MDFIC2: variants seen among roughly 807,000 people sequenced by gnomAD.
MDFIC2 encodes MyoD family inhibitor domain containing 2, also known as myoD family inhibitor domain-containing protein 2.
At chr3:70,211,534 GCCCTTCCCTTCCCTTCCCTT>G in intron 2 of MDFIC2, among the ~76,000 whole-genome samples, 1 of 17,524 alleles carries the variant, frequency 5.7e-5, no homozygotes, top group Non-Finnish European at 1.1e-4. Context: ...CCTTCCCTTT[GCCCTTCCCTTCCCTTCCCTT>G]CCCTTTGCCC....
At chr3:70,208,027 G>C (rs1006222171) in intron 2 of MDFIC2, among the ~76,000 whole-genome samples, 1 of 152,050 alleles carries the variant, frequency 6.6e-6, no homozygotes, top group Non-Finnish European at 1.5e-5. Context: ...ATAACTGAAA[G>C]TTACAGGATT....
At chr3:70,299,438 A>G (rs759075576) in intron 2 of MDFIC2, among the ~76,000 whole-genome samples, 1 of 152,170 alleles carries the variant, frequency 6.6e-6, no homozygotes, top group South Asian at 2.1e-4. Flanking sequence ...TAAAAAATAG[A>G]TAACTTACGT....
chr3:70,210,565 A>C (rs1018355822), intron 2 of MDFIC2, among the ~76,000 whole-genome samples: 2 of 152,120 alleles, frequency 1.3e-5, no homozygotes, highest in South Asian at 2.1e-4. Context: ...ATTGCACCCA[A>C]AGTACTGTAA....
chr3:70,255,258 C>T (rs1015927076), intron 2 of MDFIC2, among the ~76,000 whole-genome samples: 1 of 152,092 alleles, frequency 6.6e-6, no homozygotes, highest in Admixed American at 6.6e-5. Flanking sequence ...ACCAATGACA[C>T]ATAAATTTTT....
intron 2 of MDFIC2, among the ~76,000 whole-genome samples, chr3:70,209,053 TATA>T (rs1401781030): frequency 6.6e-6 from 1 of 152,096 alleles, no homozygotes; most frequent in Non-Finnish European, 1.5e-5. Context: ...AAATTAATGA[TATA>T]ATGATGATGA....
chr3:70,308,893 T>G (rs947826728), intron 2 of MDFIC2, among the ~76,000 whole-genome samples: 2 of 152,098 alleles, frequency 1.3e-5, no homozygotes, highest in Non-Finnish European at 2.9e-5. Flanking sequence ...TCCAGTGAAG[T>G]GCTTGTTCCA....
chr3:70,246,110 C>G (rs1023579583), intron 2 of MDFIC2, among the ~76,000 whole-genome samples: 8 of 151,782 alleles, frequency 5.3e-5, no homozygotes, highest in Non-Finnish European at 1.2e-4. Context: ...AAAAAAAACC[C>G]CACAGATATA....
intron 2 of MDFIC2, among the ~76,000 whole-genome samples, chr3:70,308,771 G>A (rs570006538): frequency 1.3e-5 from 2 of 152,184 alleles, no homozygotes; most frequent in South Asian, 4.1e-4. Context: ...GTTTGAAGTC[G>A]AGAAGTTAGA....
At chr3:70,302,844 C>T (rs76994760) in intron 2 of MDFIC2, among the ~76,000 whole-genome samples, 3,459 of 152,110 alleles carry the variant, frequency 0.023, 84 homozygotes, top group South Asian at 0.079. Flanking sequence ...CCTTTCATTC[C>T]GTTGGGATCA....
intron 2 of MDFIC2, among the ~76,000 whole-genome samples, chr3:70,251,284 C>G (rs764380954): frequency 1.1e-4 from 17 of 152,186 alleles, no homozygotes; most frequent in Non-Finnish European, 2.1e-4. Context: ...GTTCTTAGAA[C>G]TCAATGTCCA....
intron 2 of MDFIC2, among the ~76,000 whole-genome samples, chr3:70,281,911 A>G (rs557000788): frequency 2.1e-4 from 32 of 152,196 alleles, no homozygotes; most frequent in Non-Finnish European, 4.1e-4. Flanking sequence ...AGTTTTAAAA[A>G]GCATCTTGGG....
At chr3:70,206,233 G>A (rs889550628) in intron 3 of MDFIC2, among the ~76,000 whole-genome samples, 1 of 151,954 alleles carries the variant, frequency 6.6e-6, no homozygotes, top group African/African-American at 2.4e-5. Context: ...TCTGACTAGA[G>A]TTATAGACTG....
intron 2 of MDFIC2, among the ~76,000 whole-genome samples, chr3:70,269,248 G>T (rs1434150653): frequency 6.6e-6 from 1 of 152,104 alleles, no homozygotes; most frequent in Non-Finnish European, 1.5e-5. Context: ...GGTCATAAAA[G>T]AACCAATAAA....
At chr3:70,257,914 T>C in intron 2 of MDFIC2, among the ~76,000 whole-genome samples, 1 of 152,202 alleles carries the variant, frequency 6.6e-6, no homozygotes, top group Non-Finnish European at 1.5e-5. Flanking sequence ...AGCATGGTAT[T>C]GGTGTAAGGA....
At chr3:70,271,330 A>G (rs1251041216) in intron 2 of MDFIC2, among the ~76,000 whole-genome samples, 1 of 152,132 alleles carries the variant, frequency 6.6e-6, no homozygotes, top group African/African-American at 2.4e-5. Context: ...ATTATGCACA[A>G]ATAAACTGTG....
chr3:70,219,349 G>A (rs1469675939), intron 2 of MDFIC2, among the ~76,000 whole-genome samples: 4 of 152,216 alleles, frequency 2.6e-5, no homozygotes, highest in Middle Eastern at 3.4e-3. Context: ...GCATGCTCCC[G>A]ATTCACAAAC....
chr3:70,239,044 C>T (rs532047921), intron 2 of MDFIC2, among the ~76,000 whole-genome samples: 1 of 152,076 alleles, frequency 6.6e-6, no homozygotes, highest in East Asian at 1.9e-4. Context: ...ACAAAAATGG[C>T]TTAAAATTGG....
intron 2 of MDFIC2, among the ~76,000 whole-genome samples, chr3:70,310,231 C>A (rs1702442230): frequency 6.6e-6 from 1 of 152,056 alleles, no homozygotes; most frequent in Non-Finnish European, 1.5e-5. Context: ...TTGTCTGCAT[C>A]AACTTTAGTC....
chr3:70,206,160 T>C (rs1390495685), intron 3 of MDFIC2, among the ~76,000 whole-genome samples: 1 of 152,038 alleles, frequency 6.6e-6, no homozygotes, highest in Admixed American at 6.6e-5. Flanking sequence ...ATCTTAATTT[T>C]TTATGCTGTC....
Sources: gnomAD v4.1 joint callset for allele counts (sites outside exome capture counted in the v4.1 genomes callset) on GRCh38, gnomAD v4.1.1 for gene constraint, MANE v1.5 for transcripts, NCBI Gene and HGNC (gene_info 2026-07-23, HGNC 2026-07-21) for gene names.